GALNT13: variants seen among roughly 807,000 people sequenced by gnomAD.
The protein encoded by GALNT13 is UDP-GalNAc:polypeptide N-acetylgalactosaminyltransferase 13.
In GALNT13, 28 loss-of-function variants were observed where a neutral mutation model predicts 64.2. The ratio of observed to expected loss-of-function variants is 0.44; its 90% confidence interval spans 0.32 to 0.60. The LOEUF (loss-of-function observed/expected upper bound fraction) is 0.60. GALNT13 is among the 20% of genes least tolerant of loss of function. GALNT13 has a pLI of 0.05. For missense variants in GALNT13, 577 were observed against 669.8 expected (o/e 0.86, Z 1.53); for synonymous variants, 214 against 224.6 (o/e 0.95, Z 0.42).
At chr2:153,470,429 A>G in the GALNT13 span, among the ~76,000 whole-genome samples, 1 of 152,258 alleles carries the variant, frequency 6.6e-6, no homozygotes, top group East Asian at 1.9e-4. Flanking sequence ...AGCAATTGAC[A>G]CAAGATGCCA....
chr2:153,407,365 T>C, the GALNT13 span, among the ~76,000 whole-genome samples: 1 of 152,156 alleles, frequency 6.6e-6, no homozygotes, highest in African/African-American at 2.4e-5. Flanking sequence ...ATCCTACAAT[T>C]TGAGGTTGCC....
At chr2:154,021,143 C>T (rs1574347480) in intron 3 of GALNT13, among the ~76,000 whole-genome samples, 1 of 152,134 alleles carries the variant, frequency 6.6e-6, no homozygotes, top group East Asian at 1.9e-4. Flanking sequence ...GTGATGCCTC[C>T]AGCTTTGTTC....
the GALNT13 span, among the ~76,000 whole-genome samples, chr2:153,098,551 T>G: frequency 1.5e-4 from 23 of 152,314 alleles, no homozygotes; most frequent in Admixed American, 1.4e-3. Flanking sequence ...CCATGTATTT[T>G]TCATGACTTA....
the GALNT13 span, among the ~76,000 whole-genome samples, chr2:153,555,028 G>A: frequency 6.6e-6 from 1 of 151,464 alleles, no homozygotes; most frequent in Non-Finnish European, 1.5e-5. Context: ...CTATTTTGTT[G>A]GATAAATGAA....
intron 3 of GALNT13, among the ~76,000 whole-genome samples, chr2:153,977,311 C>A (rs1467717086): frequency 2.6e-5 from 4 of 152,124 alleles, no homozygotes; most frequent in Non-Finnish European, 5.9e-5. Flanking sequence ...TAAAGACATA[C>A]CTGAGACTGG....
At chr2:153,379,294 G>A in the GALNT13 span, among the ~76,000 whole-genome samples, 1 of 152,084 alleles carries the variant, frequency 6.6e-6, no homozygotes, top group Non-Finnish European at 1.5e-5. Flanking sequence ...AACCAAGCAA[G>A]TCTATGACAG....
the GALNT13 span, among the ~76,000 whole-genome samples, chr2:153,561,039 A>G: frequency 6.6e-6 from 1 of 151,986 alleles, no homozygotes; most frequent in Admixed American, 6.6e-5. Context: ...TTATTGCTGT[A>G]TAATTTATTA....
chr2:153,902,091 C>T (rs903715783), intron 2 of GALNT13, among the ~76,000 whole-genome samples: 1 of 152,132 alleles, frequency 6.6e-6, no homozygotes, highest in Non-Finnish European at 1.5e-5. Flanking sequence ...AATTCTTTCA[C>T]GTTAGCCATC....
rs1229319216 is a variant in GALNT13 at position 154,409,020 on chromosome 2, A to T, written c.1333A>T (p.Met445Leu). The T allele has an allele frequency of 1.2e-6, 2 of 1,611,260 alleles. No individual in the cohort carries two copies. The highest frequency in any genetic ancestry group is 4.5e-5 in the East Asian group (2 of 44,746). ...TGAAACCAATCAGTGTTTAGACAACATGGGCCGCAAGGAAAATGAAAAAGT... is the reference window on the plus strand; with the variant it reads ...TGAAACCAATCAGTGTTTAGACAACTTGGGCCGCAAGGAAAATGAAAAAGT... ...NVETNQCLDN[M>L]GRKENEKVGI... The change falls in exon 11 of 13, where the codon ATG becomes TTG. Residue 445 changes from methionine to leucine, a missense_variant. This residue lies in a region of GALNT13 where 232 missense variants were observed against 270.6 expected (regional missense o/e 0.86). Transcript: ENST00000392825.
At chr2:153,498,972 C>G in the GALNT13 span, among the ~76,000 whole-genome samples, 1 of 152,146 alleles carries the variant, frequency 6.6e-6, no homozygotes, top group Non-Finnish European at 1.5e-5. Flanking sequence ...CTCAGCCTCC[C>G]GAGCAGCTGG....
At chr2:154,060,673 G>A (rs1448572319) in intron 3 of GALNT13, among the ~76,000 whole-genome samples, 1 of 152,122 alleles carries the variant, frequency 6.6e-6, no homozygotes, top group Non-Finnish European at 1.5e-5. Flanking sequence ...ATACCTTTAA[G>A]TGTAGCTGTA....
chr2:153,335,512 C>T, the GALNT13 span, among the ~76,000 whole-genome samples: 15 of 152,240 alleles, frequency 9.9e-5, no homozygotes, highest in South Asian at 4.1e-4. Context: ...AAGAGACTGG[C>T]GGCATTTTGC....
At chr2:153,229,237 T>A in the GALNT13 span, among the ~76,000 whole-genome samples, 1 of 152,210 alleles carries the variant, frequency 6.6e-6, no homozygotes, top group Non-Finnish European at 1.5e-5. Context: ...CTCACCTTTT[T>A]TCTTCAAGAC....
the GALNT13 span, among the ~76,000 whole-genome samples, chr2:153,569,380 C>A: frequency 2.6e-4 from 39 of 151,524 alleles, no homozygotes; most frequent in Non-Finnish European, 4.9e-4. Context: ...TCTGCTCAGG[C>A]CTTTTGTTCA....
the GALNT13 span, among the ~76,000 whole-genome samples, chr2:153,244,801 G>T: frequency 1.3e-5 from 2 of 152,192 alleles, no homozygotes; most frequent in Non-Finnish European, 2.9e-5. Context: ...CCTTGGAAAG[G>T]GAGCTGAAGC....
At chr2:153,554,043 A>G in the GALNT13 span, among the ~76,000 whole-genome samples, 1 of 152,040 alleles carries the variant, frequency 6.6e-6, no homozygotes, top group South Asian at 2.1e-4. Flanking sequence ...TAGCTGCTGT[A>G]TATTGTAAGA....
chr2:154,149,534 T>G (rs1050217313), intron 4 of GALNT13, among the ~76,000 whole-genome samples: 1 of 152,162 alleles, frequency 6.6e-6, no homozygotes, highest in African/African-American at 2.4e-5. Context: ...GCCATTTTCA[T>G]GGTATTGATT....
At chr2:153,344,216 T>C in the GALNT13 span, among the ~76,000 whole-genome samples, 15 of 152,292 alleles carry the variant, frequency 9.8e-5, 3 homozygotes, top group African/African-American at 2.4e-5. Flanking sequence ...TAGATACATA[T>C]TGTAGATTAG....
chr2:153,288,537 C>T, the GALNT13 span, among the ~76,000 whole-genome samples: 10 of 152,184 alleles, frequency 6.6e-5, no homozygotes, highest in South Asian at 2.1e-4. Context: ...TGAGCCTGTT[C>T]GCTCTGTATA....
Sources: allele counts gnomAD v4.1 joint callset (sites outside exome capture counted in the v4.1 genomes callset), GRCh38; gene constraint gnomAD v4.1.1; regional missense constraint gnomAD v4.1.1; transcripts MANE v1.5; gene names NCBI Gene and HGNC (gene_info 2026-07-23, HGNC 2026-07-21).